Variants in ETV1 observed in about 807,000 individuals in gnomAD.
The protein encoded by ETV1 is ETS translocation variant 1.
A neutral mutation model predicts 62.3 loss-of-function variants in ETV1; 27 were observed. The ratio of observed to expected loss-of-function variants is 0.43; its 90% CI spans 0.32 to 0.60. ETV1 has a LOEUF of 0.60. Ranked by LOEUF, ETV1 falls within the 20% of genes least tolerant of loss-of-function variation. The probability of loss-of-function intolerance (pLI) is 0.06; values close to 1 mark genes in which losing one functional copy is unlikely to be tolerated. For synonymous variants in ETV1, 222 were observed against 199.6 expected (o/e 1.11, Z -0.94); for missense variants, 605 against 605.8 (o/e 1.00, Z 0.01).
intron 13 of ETV1, among the ~76,000 whole-genome samples, chr7:13,897,401 A>G (rs1781961204): frequency 6.6e-6 from 1 of 152,212 alleles, no homozygotes; most frequent in African/African-American, 2.4e-5. Context: ...CTGAATTCAA[A>G]TTTAGAACAT....
At chr7:13,916,333 T>TA (rs911951192) in intron 9 of ETV1, among the ~76,000 whole-genome samples, 10 of 151,864 alleles carry the variant, frequency 6.6e-5, no homozygotes, top group South Asian at 2.1e-4. Context: ...TGCAAAATCT[T>TA]AAAAAAAAGA....
At chr7:13,896,150 G>A in intron 13 of ETV1, 63 bp from the exon 14 acceptor site, 1 of 1,413,324 alleles carries the variant, frequency 7.1e-7, no homozygotes, top group Non-Finnish European at 9.8e-7. Context: ...AGGACAGGAA[G>A]GAAAAAGCCA....
chr7:13,983,459 T>C (rs1583898768), intron 5 of ETV1, among the ~76,000 whole-genome samples: 1 of 151,976 alleles, frequency 6.6e-6, no homozygotes, highest in African/African-American at 2.4e-5. Flanking sequence ...GTTGATAGAA[T>C]TGATATTTAA....
chr7:13,901,109 A>G (rs565592331), intron 12 of ETV1, among the ~76,000 whole-genome samples: 1 of 151,708 alleles, frequency 6.6e-6, no homozygotes, highest in Non-Finnish European at 1.5e-5. Flanking sequence ...TGTTCAAGCA[A>G]TTCTCCTGCC....
chr7:13,971,901 A>G (rs1780944475), intron 6 of ETV1, among the ~76,000 whole-genome samples: 1 of 152,126 alleles, frequency 6.6e-6, no homozygotes, highest in African/African-American at 2.4e-5. Flanking sequence ...ACTTGAAGTC[A>G]GGAGTTTGAG....
intron 6 of ETV1, among the ~76,000 whole-genome samples, chr7:13,952,127 G>C (rs1788892373): frequency 6.6e-6 from 1 of 152,280 alleles, no homozygotes; most frequent in South Asian, 2.1e-4. Context: ...CGAAAGGTGT[G>C]GCCTGGAAGA....
At chr7:13,920,105 CT>C (rs1165917092) in intron 9 of ETV1, among the ~76,000 whole-genome samples, 2 of 152,074 alleles carry the variant, frequency 1.3e-5, no homozygotes, top group African/African-American at 4.8e-5. Flanking sequence ...TTCTAATTGC[CT>C]TTTTCCAAGC....
chr7:13,982,124 T>C (rs1425730104), intron 5 of ETV1, among the ~76,000 whole-genome samples: 1 of 152,102 alleles, frequency 6.6e-6, no homozygotes, highest in African/African-American at 2.4e-5. Flanking sequence ...CAGTAAAGTT[T>C]TAGTCGTTGT....
At chr7:13,935,964 T>C in intron 7 of ETV1, 68 bp from the exon 8 acceptor site, 1 of 1,258,178 alleles carries the variant, frequency 7.9e-7, no homozygotes, top group Non-Finnish European at 1.1e-6. Flanking sequence ...AAGTTTCTAA[T>C]CCAAAGGAAG....
intron 9 of ETV1, among the ~76,000 whole-genome samples, chr7:13,913,878 CTTTTTTTTTT>C (rs544899107): frequency 3.4e-5 from 3 of 87,968 alleles, no homozygotes; most frequent in African/African-American, 1.4e-4. Flanking sequence ...GGGGGTACCT[CTTTTTTTTTT>C]TTTTTTTTTT....
At chr7:13,962,697 T>C (rs1029267442) in intron 6 of ETV1, among the ~76,000 whole-genome samples, 3 of 152,038 alleles carry the variant, frequency 2.0e-5, no homozygotes, top group African/African-American at 7.2e-5. Flanking sequence ...ATTTCTACAA[T>C]CCAAAGCACA....
At chr7:13,909,856 TCA>T (rs1440191393) in intron 10 of ETV1, among the ~76,000 whole-genome samples, 156 bp from the exon 11 acceptor site, 1 of 152,184 alleles carries the variant, frequency 6.6e-6, no homozygotes, top group African/African-American at 2.4e-5. Flanking sequence ...CCTCTGTGCC[TCA>T]GTTTCCTCAT....
chr7:13,897,904 T>G (rs11760388), intron 13 of ETV1, among the ~76,000 whole-genome samples: 69,285 of 151,958 alleles, frequency 0.46, 16,049 homozygotes, highest in South Asian at 0.51. Flanking sequence ...TGGAGGAAGA[T>G]ACATTTGCTT....
intron 9 of ETV1, among the ~76,000 whole-genome samples, chr7:13,915,892 C>T (rs1259863522): frequency 6.6e-6 from 1 of 151,926 alleles, no homozygotes; most frequent in Admixed American, 6.6e-5. Context: ...TTTATAAGAC[C>T]TATTTGCTGT....
intron 6 of ETV1, among the ~76,000 whole-genome samples, chr7:13,970,712 C>T (rs1780814537): frequency 6.6e-6 from 1 of 151,990 alleles, no homozygotes; most frequent in Non-Finnish European, 1.5e-5. Context: ...ATAAAGTACT[C>T]ACTGTATGTG....
At chr7:13,982,477 A>T (rs1782088311) in intron 5 of ETV1, among the ~76,000 whole-genome samples, 1 of 152,026 alleles carries the variant, frequency 6.6e-6, no homozygotes, top group South Asian at 2.1e-4. Flanking sequence ...CATGGATGAA[A>T]AAACATTTAT....
intron 6 of ETV1, among the ~76,000 whole-genome samples, chr7:13,969,075 TG>T (rs1482832695): frequency 6.6e-6 from 1 of 152,166 alleles, no homozygotes; most frequent in Admixed American, 6.5e-5. Flanking sequence ...TCTGCACCAG[TG>T]GAACAGTAGA....
chr7:13,961,646 G>C (rs184061588), intron 6 of ETV1, among the ~76,000 whole-genome samples: 3 of 152,126 alleles, frequency 2.0e-5, no homozygotes, highest in African/African-American at 7.2e-5. Context: ...AAAACATTGA[G>C]GATAGAAGCA....
chr7:13,903,200 T>C (rs1198704646), intron 12 of ETV1, among the ~76,000 whole-genome samples: 1 of 152,186 alleles, frequency 6.6e-6, no homozygotes, highest in Non-Finnish European at 1.5e-5. Flanking sequence ...CGCCTTCAAA[T>C]GAAAACTTGA....
Sources: allele counts gnomAD v4.1 joint callset (sites outside exome capture counted in the v4.1 genomes callset), GRCh38; gene constraint gnomAD v4.1.1; transcripts MANE v1.5; gene names NCBI Gene and HGNC (gene_info 2026-07-23, HGNC 2026-07-21).